Variants in TENM3 observed in about 807,000 individuals in gnomAD.
The protein encoded by TENM3 is teneurin transmembrane protein 3.
In TENM3, 63 loss-of-function variants were observed where a neutral mutation model predicts 255.1. That is an observed-to-expected ratio of 0.25 (90% CI 0.20 to 0.30). The LOEUF (loss-of-function observed/expected upper bound fraction) is 0.30, where lower values mean the gene tolerates loss of function less well. TENM3 is among the 10% of genes least tolerant of loss of function. The pLI is 1.00. For synonymous variants in TENM3, 1,306 were observed against 1,322.3 expected, an observed-to-expected ratio of 0.99 and a Z score of 0.27; for missense variants, 2,929 against 3,461.1, an observed-to-expected ratio of 0.85 and a Z score of 3.86.
intron 4 of TENM3, among the ~76,000 whole-genome samples, chr4:182,622,553 A>T (rs1750396568): frequency 6.6e-6 from 1 of 152,242 alleles, no homozygotes; most frequent in Non-Finnish European, 1.5e-5. Flanking sequence ...AGAGTCCCAT[A>T]GGCTCAGATT....
chr4:181,814,045 TATTTCA>T, the TENM3 span, among the ~76,000 whole-genome samples: 2 of 152,146 alleles, frequency 1.3e-5, no homozygotes, highest in Non-Finnish European at 2.9e-5. Flanking sequence ...CAAAGTCAAG[TATTTCA>T]ATGATTACAC....
At chr4:182,447,870 A>G (rs1004041443) in intron 3 of TENM3, among the ~76,000 whole-genome samples, 5 of 152,168 alleles carry the variant, frequency 3.3e-5, no homozygotes, top group African/African-American at 1.2e-4. Context: ...AGGGGATGGA[A>G]TGTTCTGGAA....
chr4:182,456,734 G>A (rs896514741), intron 3 of TENM3, among the ~76,000 whole-genome samples: 5 of 152,128 alleles, frequency 3.3e-5, no homozygotes, highest in South Asian at 2.1e-4. Context: ...TACACCTTCC[G>A]TGATTGTGTT....
chr4:181,817,473 C>T, the TENM3 span, among the ~76,000 whole-genome samples: 2 of 152,148 alleles, frequency 1.3e-5, no homozygotes, highest in African/African-American at 4.8e-5. Flanking sequence ...GTCTCCTGGT[C>T]CTTGTAGACT....
At chr4:182,064,039 G>A in the TENM3 span, among the ~76,000 whole-genome samples, 2 of 152,026 alleles carry the variant, frequency 1.3e-5, no homozygotes, top group Non-Finnish European at 2.9e-5. Flanking sequence ...ACAGACCTGG[G>A]TTCAAATCCT....
chr4:182,217,196 T>C (rs376842505), intron 1 of TENM3, among the ~76,000 whole-genome samples: 2 of 151,834 alleles, frequency 1.3e-5, no homozygotes, highest in South Asian at 2.1e-4. Flanking sequence ...AATTTTTGTA[T>C]TTTTAGTAGA....
At position 182,672,999 on chromosome 4, in the gene TENM3, A is replaced by C; in HGVS notation, c.1112-6A>C. ...TGTTCTTCATCAGTGCATCTCTTAC[A>C]TTCAGGAAAATTAGGTGGATTTACG... is the stretch of plus-strand genomic sequence containing the variant. On this transcript the variant is annotated splice_polypyrimidine_tract_variant and splice_region_variant and intron_variant, in intron 6 of 27. Transcript: ENST00000511685. 1 of 1,564,702 alleles carries C rather than the reference A, an allele frequency of 6.4e-7. No individual in the cohort carries two copies. The highest frequency in any genetic ancestry group is 2.3e-5 in the East Asian group (1 of 43,194).
intron 3 of TENM3, among the ~76,000 whole-genome samples, chr4:182,509,430 T>G (rs943925169): frequency 6.6e-6 from 1 of 152,208 alleles, no homozygotes; most frequent in Non-Finnish European, 1.5e-5. Flanking sequence ...CACTCTCTCT[T>G]GCACATTTAT....
chr4:182,030,346 T>C, the TENM3 span, among the ~76,000 whole-genome samples: 1 of 152,076 alleles, frequency 6.6e-6, no homozygotes, highest in Non-Finnish European at 1.5e-5. Context: ...TGGTTTTCTG[T>C]CCCTGCATTA....
chr4:181,535,874 G>A, the TENM3 span, among the ~76,000 whole-genome samples: 3 of 152,086 alleles, frequency 2.0e-5, no homozygotes, highest in African/African-American at 7.2e-5. Context: ...CCCTGGGGAG[G>A]GAGAAGTCTG....
At chr4:182,214,444 T>A (rs1425901122) in intron 1 of TENM3, among the ~76,000 whole-genome samples, 1 of 152,150 alleles carries the variant, frequency 6.6e-6, no homozygotes, top group Non-Finnish European at 1.5e-5. Context: ...TGATCAGAAA[T>A]ATTTACTACT....
chr4:181,535,167 C>T, the TENM3 span, among the ~76,000 whole-genome samples: 1 of 152,180 alleles, frequency 6.6e-6, no homozygotes, highest in Non-Finnish European at 1.5e-5. Context: ...CACCACTCAA[C>T]AGTCGGGGCT....
chr4:182,195,031 A>G (rs1015842591), intron 1 of TENM3, among the ~76,000 whole-genome samples: 13 of 40,640 alleles, frequency 3.2e-4, no homozygotes, highest in African/African-American at 6.2e-4. Context: ...TATCACACAC[A>G]CACACACACA....
intron 3 of TENM3, among the ~76,000 whole-genome samples, chr4:182,406,527 T>C (rs1769592395): frequency 6.6e-6 from 1 of 152,158 alleles, no homozygotes; most frequent in South Asian, 2.1e-4. Flanking sequence ...ATGGAACACC[T>C]GCCAGAAATA....
chr4:182,395,513 G>C (rs1768747818), intron 3 of TENM3, among the ~76,000 whole-genome samples: 1 of 152,144 alleles, frequency 6.6e-6, no homozygotes, highest in Non-Finnish European at 1.5e-5. Context: ...AATATTCAAT[G>C]CTGAGATATT....
intron 2 of TENM3, among the ~76,000 whole-genome samples, chr4:182,328,740 T>TC (rs1285660379): frequency 6.6e-6 from 1 of 152,100 alleles, no homozygotes; most frequent in Non-Finnish European, 1.5e-5. Flanking sequence ...TCTTCATTCT[T>TC]ACCATCATCA....
the TENM3 span, among the ~76,000 whole-genome samples, chr4:181,464,507 A>T: frequency 0.48 from 73,421 of 152,038 alleles, 18,657 homozygotes; most frequent in African/African-American, 0.64. Flanking sequence ...ATTGTGTTTT[A>T]ATTTTTTGGT....
At chr4:182,383,301 T>C (rs556398834) in intron 3 of TENM3, among the ~76,000 whole-genome samples, 21 of 152,120 alleles carry the variant, frequency 1.4e-4, no homozygotes, top group Admixed American at 9.8e-4. Context: ...TCTAAACTGA[T>C]TTAGCGAGAG....
chr4:181,828,642 G>A, the TENM3 span, among the ~76,000 whole-genome samples: 2 of 152,012 alleles, frequency 1.3e-5, no homozygotes, highest in East Asian at 1.9e-4. Flanking sequence ...CTGAGAAAGT[G>A]CAGTGGCACC....
Sources: gnomAD v4.1 joint callset for allele counts (sites outside exome capture counted in the v4.1 genomes callset) on GRCh38, gnomAD v4.1.1 for gene constraint, MANE v1.5 for transcripts, NCBI Gene and HGNC (gene_info 2026-07-23, HGNC 2026-07-21) for gene names.